The following PTCH2 variants were observed in gnomAD, a reference collection of about 807,000 sequenced individuals.
PTCH2 encodes patched 2.
Under a neutral mutation model 117.9 loss-of-function variants are expected in PTCH2, and 96 were observed. That is an observed-to-expected ratio of 0.81 (90% confidence interval 0.69 to 0.96). PTCH2 has a LOEUF of 0.96. PTCH2 is among the 50% of genes least tolerant of loss of function. The pLI is 0.00. For missense variants in PTCH2, 1,379 were observed against 1,562.5 expected, an observed-to-expected ratio of 0.88 and a Z score of 1.98; for synonymous variants, 615 against 660.9, an observed-to-expected ratio of 0.93 and a Z score of 1.06.
Position 44,826,427 on chromosome 1 carries a change from G to A in PTCH2, c.2977-40C>T, listed in dbSNP as rs368381428. The stretch of plus-strand genomic sequence containing the variant: ...GCTCACAGAGGGCTCCTGGCAGGAG[G>A]GATGACAGGCTGGGCAGGGAAGGGT... On this transcript the variant is annotated intron_variant, in intron 18 of 21. Transcript: ENST00000372192. The surrounding 1 kb of genome is among the most constrained non-coding windows in gnomAD (Gnocchi z 5.1). 6 of 1,613,860 alleles carry A rather than the reference G, an allele frequency of 3.7e-6. No homozygotes were observed. Among genetic ancestry groups the A allele is most frequent in the Non-Finnish European group, 5.1e-6 (6 of 1,179,998 alleles).
At chr1:44,841,557 C>T (rs1275596777) in intron 2 of PTCH2, among the ~76,000 whole-genome samples, 2 of 152,166 alleles carry the variant, frequency 1.3e-5, no homozygotes, top group East Asian at 3.8e-4. Flanking sequence ...TTTGTAAAAC[C>T]CTGATGCATT....
intron 21 of PTCH2, 83 bp downstream of exon 21, chr1:44,822,986 A>G (rs1573638901): frequency 2.7e-6 from 4 of 1,466,050 alleles, no homozygotes; most frequent in East Asian, 2.4e-5. Context: ...TCTGTGGGCC[A>G]CAGGGCTCTG....
intron 6 of PTCH2, among the ~76,000 whole-genome samples, chr1:44,830,417 C>T (rs912483510): frequency 4.0e-5 from 6 of 151,826 alleles, no homozygotes; most frequent in African/African-American, 1.5e-4. Context: ...CAGTGGCTCA[C>T]GCCTGTAATC....
chr1:44,839,832 C>A (rs1653861898), intron 2 of PTCH2, among the ~76,000 whole-genome samples: 1 of 152,058 alleles, frequency 6.6e-6, no homozygotes, highest in African/African-American at 2.4e-5. Flanking sequence ...GTCTGCAGGG[C>A]TGGGGGTAGG....
intron 1 of PTCH2, among the ~76,000 whole-genome samples, 176 bp downstream of exon 1, chr1:44,842,685 G>T (rs1407217822): frequency 6.6e-6 from 1 of 152,200 alleles, no homozygotes; most frequent in East Asian, 1.9e-4. Context: ...AGACGATGAG[G>T]AGACACCGGC....
chr1:44,832,432 A>G, intron 2 of PTCH2, 91 bp from the exon 3 acceptor site: 1 of 1,356,278 alleles, frequency 7.4e-7, no homozygotes, highest in South Asian at 1.2e-5. Context: ...GCCTCCCCAG[A>G]CAAGTGGGAG....
At position 44,821,958 on chromosome 1, in the gene PTCH2, T is replaced by A. The variant is rs1202213195; in HGVS notation, c.*457A>T. 8.3e-6 allele frequency: 11 copies of A among 1,322,868 alleles called. No homozygotes were observed. The highest frequency in any genetic ancestry group is 2.3e-5 in the Admixed American group (1 of 44,114). The allele number at this position is 1,322,868 out of a possible 1,614,324, so 81.9% of individuals were successfully genotyped here. A position where few individuals can be genotyped will look rare whatever the true frequency, so the allele number is the denominator to read the frequency against. ...TGAGATTAGTTCACATAGAATATAT[T>A]TCATTCTTTAAAAAATAAAACTTTC... On this transcript the variant is annotated 3_prime_UTR_variant, in exon 22 of 22. Transcript: ENST00000372192.
intron 2 of PTCH2, among the ~76,000 whole-genome samples, chr1:44,834,901 G>A (rs11211042): frequency 6.6e-6 from 1 of 152,050 alleles, no homozygotes. Flanking sequence ...AAAGTACTTA[G>A]GAAATTGCAT....
chr1:44,824,213 G>A (rs570760017), intron 19 of PTCH2, among the ~76,000 whole-genome samples: 8 of 152,308 alleles, frequency 5.3e-5, no homozygotes, highest in South Asian at 4.1e-4. Flanking sequence ...TCAGAGTAGC[G>A]TTTCAGAGGA....
At chr1:44,825,202 T>G (rs1387655708) in intron 19 of PTCH2, among the ~76,000 whole-genome samples, 4 of 152,090 alleles carry the variant, frequency 2.6e-5, no homozygotes, top group African/African-American at 9.7e-5. Flanking sequence ...AGTGGCATGG[T>G]CTCGGCTCAT....
intron 11 of PTCH2, 116 bp downstream of exon 11, chr1:44,828,866 A>T (rs2148876762): frequency 7.9e-7 from 1 of 1,262,052 alleles, no homozygotes; most frequent in African/African-American, 1.5e-5. Flanking sequence ...TCCCCTGTTT[A>T]CAGATGGGGA....
chr1:44,829,574 A>C, intron 8 of PTCH2, 40 bp downstream of exon 8: 2 of 1,614,144 alleles, frequency 1.2e-6, no homozygotes, highest in Non-Finnish European at 1.7e-6. Context: ...GGAGGAGGGA[A>C]TGGCCTCAGG....
At chr1:44,821,637 C>T (rs1430107917), downstream of PTCH2, 1 of 433,906 alleles carries the variant, frequency 2.3e-6, no homozygotes, top group African/African-American at 2.1e-5. Context: ...GACGGGCAGG[C>T]TGGAATATGG....
chr1:44,839,374 A>C (rs1404248976), intron 2 of PTCH2, among the ~76,000 whole-genome samples: 1 of 151,060 alleles, frequency 6.6e-6, no homozygotes, highest in African/African-American at 2.4e-5. Flanking sequence ...AAAAAAAAAA[A>C]AAAAAAAAAC....
At chr1:44,841,794 C>G (rs1573664843) in intron 2 of PTCH2, 53 bp downstream of exon 2, 19 of 1,600,208 alleles carry the variant, frequency 1.2e-5, no homozygotes, top group Non-Finnish European at 1.5e-5. Context: ...TCACCCCGTT[C>G]TTGTCTTGGG....
Position 44,841,935 on chromosome 1 carries a change from G to A in PTCH2, c.177C>T (p.Leu59=). The change falls in exon 2 of 22, where the codon CTC becomes CTT. Residue 59 remains leucine (L), a synonymous_variant. Coordinates refer to ENST00000372192, the MANE Select transcript of PTCH2 (RefSeq NM_003738.5). ...CGIQRHCGKV[L]FLGLLAFGAL... is the part of the protein sequence containing the mutation. ...CCCCAAAGGCCAACAGTCCCAGAAA[G>A]AGCACTTTGCCACAATGTCTCTGGA... 2 of 1,614,244 alleles carry A rather than the reference G, an allele frequency of 1.2e-6. No individual in the cohort carries two copies. The highest frequency in any genetic ancestry group is 8.5e-7 in the Non-Finnish European group (1 of 1,180,042).
intron 2 of PTCH2, among the ~76,000 whole-genome samples, chr1:44,832,563 G>A (rs1653505209): frequency 6.6e-6 from 1 of 152,246 alleles, no homozygotes; most frequent in Non-Finnish European, 1.5e-5. Flanking sequence ...CGGTTGTGTG[G>A]CTCTGCGGAT....
rs755030599 is a variant in PTCH2, at chr1:44,827,709, G to A, written c.2064C>T (p.Ile688=). ...GAAGAGCACCAAAGAGCACCAGCAC[G>A]ATGGCCTGCGGGATGTAGCAACTAA... ...PLLLQSHAKA[I]VLVLFGALLG... Residue 688 remains isoleucine, a synonymous_variant, in exon 15 of 22, where the codon ATC becomes ATT. Transcript: ENST00000372192. 2.7e-5 allele frequency: 44 copies of A among 1,611,140 alleles called. No individual in the cohort carries two copies. The South Asian group carries it at 3.8e-4, about 14-fold the overall frequency.
rs1299795998 is a variant in PTCH2, at chr1:44,833,570, G to A, written c.266-1229C>T. Among the ~76,000 whole-genome samples the A allele has an allele frequency of 2.6e-5, 4 of 151,554 alleles. No homozygotes were observed. In the South Asian group the frequency reaches 8.3e-4, roughly 32 times the overall value. ...TCCCACCTCAGCCTCCCAAGTGGCTGGGACCACAGGCACCCGCCACCAGGC... is the reference window on the plus strand; with the variant it reads ...TCCCACCTCAGCCTCCCAAGTGGCTAGGACCACAGGCACCCGCCACCAGGC... On this transcript the variant is annotated intron_variant, in intron 2 of 21. Coordinates refer to ENST00000372192, the MANE Select transcript of PTCH2 (RefSeq NM_003738.5).
Sources: gnomAD v4.1 joint callset for allele counts (sites outside exome capture counted in the v4.1 genomes callset) on GRCh38, gnomAD v4.1.1 for gene constraint, Gnocchi (gnomAD v3.1) non-coding constraint, MANE v1.5 for transcripts, NCBI Gene and HGNC (gene_info 2026-07-23, HGNC 2026-07-21) for gene names.